Variants in OSBPL9 observed in about 807,000 individuals in gnomAD.
OSBPL9 encodes oxysterol-binding protein-related protein 9.
OSBPL9 carries 40 observed loss-of-function variants against 106.6 expected under a neutral mutation model. The observed-to-expected ratio is 0.38, with a 90% confidence interval of 0.29 to 0.49. OSBPL9 has a LOEUF of 0.49. OSBPL9 is among the 20% of genes least tolerant of loss of function. The probability of loss-of-function intolerance (pLI) is 0.97; values close to 1 mark genes in which losing one functional copy is unlikely to be tolerated. For missense variants in OSBPL9, 609 were observed against 887.2 expected (o/e 0.69, Z 3.98); for synonymous variants, 269 against 295.4 (o/e 0.91, Z 0.92).
chr1:51,544,625 A>T, the OSBPL9 span, among the ~76,000 whole-genome samples: 1 of 152,078 alleles, frequency 6.6e-6, no homozygotes, highest in Non-Finnish European at 1.5e-5. Context: ...TAAGGAAAAA[A>T]ATTATGTATA....
rs774517099 is a variant in OSBPL9, at chr1:51,786,523, T to C, written c.1909-3T>C. 4 of 1,590,944 alleles carry C rather than the reference T, an allele frequency of 2.5e-6. No homozygotes were observed. In the Admixed American group the frequency reaches 5.0e-5, roughly 20 times the overall value. On this transcript the variant is annotated splice_region_variant and splice_polypyrimidine_tract_variant and intron_variant, in intron 21 of 23. Transcript: ENST00000428468. The stretch of plus-strand genomic sequence containing the variant: ...GTTCCCATCCACCTCTATTGTTTTC[T>C]AGGAAAATACAGTCTTTGTAGATAC...
the OSBPL9 span, chr1:51,566,326 C>T: frequency 7.8e-4 from 119 of 152,442 alleles, no homozygotes; most frequent in Non-Finnish European, 1.3e-3. Flanking sequence ...GCCAAATGCC[C>T]TCTGATGTCA....
chr1:51,539,233 G>A, the OSBPL9 span, among the ~76,000 whole-genome samples: 1 of 151,966 alleles, frequency 6.6e-6, no homozygotes, highest in Non-Finnish European at 1.5e-5. Flanking sequence ...GCTTCGCCTC[G>A]AGTCCTAATC....
At chr1:51,643,194 A>G (rs1200818800) in intron 1 of OSBPL9, among the ~76,000 whole-genome samples, 1 of 152,202 alleles carries the variant, frequency 6.6e-6, no homozygotes, top group Non-Finnish European at 1.5e-5. Context: ...AGGAGGACAG[A>G]GTCCTCATTA....
intron 15 of OSBPL9, among the ~76,000 whole-genome samples, chr1:51,780,082 A>AG (rs925827259): frequency 3.3e-5 from 5 of 150,614 alleles, no homozygotes; most frequent in African/African-American, 9.8e-5. Flanking sequence ...CATCTCAAAA[A>AG]GAAAAAAAAA....
At chr1:51,645,895 C>A (rs1646124410) in intron 1 of OSBPL9, among the ~76,000 whole-genome samples, 2 of 151,410 alleles carry the variant, frequency 1.3e-5, no homozygotes, top group Admixed American at 1.3e-4. Flanking sequence ...ATAGTCTTGG[C>A]ACTCTTGTAA....
the OSBPL9 span, among the ~76,000 whole-genome samples, chr1:51,524,074 C>T: frequency 0.023 from 3,525 of 152,304 alleles, 34 homozygotes; most frequent in Middle Eastern, 0.034. Flanking sequence ...ATCTGAAGCT[C>T]GTGCTTCTAA....
chr1:51,673,171 A>G (rs1650311573), intron 3 of OSBPL9, among the ~76,000 whole-genome samples: 1 of 152,240 alleles, frequency 6.6e-6, no homozygotes, highest in Non-Finnish European at 1.5e-5. Flanking sequence ...GGTACTTTGG[A>G]AGCCACAAGA....
chr1:51,598,623 C>T (rs1224973875), intron 2 of OSBPL9, among the ~76,000 whole-genome samples: 5 of 152,122 alleles, frequency 3.3e-5, no homozygotes, highest in East Asian at 1.9e-4. Context: ...TGTGTGTGCC[C>T]GCGCACACAC....
At chr1:51,629,918 C>T (rs779848746) in intron 1 of OSBPL9, among the ~76,000 whole-genome samples, 2 of 151,458 alleles carry the variant, frequency 1.3e-5, no homozygotes, top group African/African-American at 2.4e-5. Context: ...CACTGCACTC[C>T]AGCCTGGGCG....
Position 51,695,506 on chromosome 1 carries a change from A to C in OSBPL9, c.242-18497A>C, listed in dbSNP as rs571541825. Among the ~76,000 whole-genome samples the C allele has an allele frequency of 3.9e-5, 6 of 152,298 alleles. No homozygotes were observed. The South Asian group carries it at 1.2e-3, about 32-fold the overall frequency. ...GTGATATTAACCCCTTTTGGACCCA[A>C]GTTTCCTGACCAGAGTTTCTGTCGT... On this transcript the variant is annotated intron_variant, in intron 3 of 23. Coordinates refer to ENST00000428468, the MANE Select transcript of OSBPL9 (RefSeq NM_024586.6).
chr1:51,597,849 C>T (rs1289173916), intron 1 of OSBPL9, among the ~76,000 whole-genome samples: 1 of 152,178 alleles, frequency 6.6e-6, no homozygotes, highest in Non-Finnish European at 1.5e-5. Context: ...TTACTAATCA[C>T]CTACTATGTG....
chr1:51,635,379 A>T (rs1645365957), intron 1 of OSBPL9, among the ~76,000 whole-genome samples: 1 of 152,172 alleles, frequency 6.6e-6, no homozygotes, highest in African/African-American at 2.4e-5. Context: ...GAGGTCTCAG[A>T]AAAAGGTGTT....
At chr1:51,714,675 A>T (rs1018841541) in intron 4 of OSBPL9, among the ~76,000 whole-genome samples, 1 of 152,142 alleles carries the variant, frequency 6.6e-6, no homozygotes. Context: ...GGTGGTGGTA[A>T]GGTGGTTGTA....
intron 1 of OSBPL9, among the ~76,000 whole-genome samples, chr1:51,648,896 T>C (rs1646333094): frequency 6.6e-6 from 1 of 152,234 alleles, no homozygotes; most frequent in Non-Finnish European, 1.5e-5. Context: ...TTATTATTAA[T>C]GTTGCTATTA....
the OSBPL9 span, chr1:51,560,979 T>A: frequency 6.6e-6 from 1 of 152,242 alleles, no homozygotes; most frequent in East Asian, 1.9e-4. Context: ...CCGGGCACGG[T>A]GGCTCACGAT....
Position 51,750,775 on chromosome 1 carries a change from T to A in OSBPL9, c.543+580T>A, listed in dbSNP as rs539341019. Among the ~76,000 whole-genome samples, 5 of 152,328 alleles carry A rather than the reference T, an allele frequency of 3.3e-5. No individual in the cohort carries two copies. In the East Asian group the frequency reaches 9.6e-4, roughly 29 times the overall value. ...CCTGAGAGTTTCTGAAATAAGAATA[T>A]TATTGTTTGAGAATAGGAATTTTTA... On this transcript the variant is annotated intron_variant, in intron 8 of 23. Transcript: ENST00000428468.
At chr1:51,637,574 G>A (rs563693642) in intron 1 of OSBPL9, among the ~76,000 whole-genome samples, 24 of 152,332 alleles carry the variant, frequency 1.6e-4, no homozygotes, top group African/African-American at 5.5e-4. Context: ...TAAAGCACTA[G>A]CACAGTGTCT....
chr1:51,733,747 C>T (rs1665005681), intron 4 of OSBPL9, among the ~76,000 whole-genome samples: 1 of 151,864 alleles, frequency 6.6e-6, no homozygotes, highest in South Asian at 2.1e-4. Context: ...TGCACCCCAG[C>T]CTGGGTGACA....
Sources: gnomAD v4.1 joint callset for allele counts (sites outside exome capture counted in the v4.1 genomes callset) on GRCh38, gnomAD v4.1.1 for gene constraint, MANE v1.5 for transcripts, NCBI Gene and HGNC (gene_info 2026-07-23, HGNC 2026-07-21) for gene names.